NR3C1: variants seen among roughly 807,000 people sequenced by gnomAD.
NR3C1 encodes nuclear receptor subfamily 3 group C member 1.
NR3C1 carries 14 observed loss-of-function variants against 74.0 expected under a neutral mutation model. The observed-to-expected ratio is 0.19, with a 90% CI of 0.12 to 0.30. NR3C1 has a LOEUF of 0.30. Ranked by LOEUF, NR3C1 falls within the 10% of genes least tolerant of loss-of-function variation. The pLI is 1.00. For synonymous variants in NR3C1, 308 were observed against 332.5 expected, an observed-to-expected ratio of 0.93 and a Z score of 0.80; for missense variants, 695 against 909.8, an observed-to-expected ratio of 0.76 and a Z score of 3.04.
chr5:143,404,653 C>T (rs1356540027), upstream of NR3C1: 6 of 354,162 alleles, frequency 1.7e-5, no homozygotes, highest in Admixed American at 6.5e-5. Flanking sequence ...TGCAAAACCT[C>T]CAGCGAGCTG....
At chr5:143,357,490 TA>T (rs1392308547) in intron 2 of NR3C1, among the ~76,000 whole-genome samples, 1 of 152,158 alleles carries the variant, frequency 6.6e-6, no homozygotes, top group Admixed American at 6.5e-5. Flanking sequence ...TACAAACATT[TA>T]AAAAGAATTC....
intron 7 of NR3C1, among the ~76,000 whole-genome samples, chr5:143,293,089 T>C (rs1242552084): frequency 6.6e-6 from 1 of 152,174 alleles, no homozygotes; most frequent in Non-Finnish European, 1.5e-5. Context: ...TATATTTCCA[T>C]CCCTTGTTTT....
chr5:143,310,685 G>A (rs559688135), intron 3 of NR3C1, among the ~76,000 whole-genome samples: 9 of 152,006 alleles, frequency 5.9e-5, no homozygotes, highest in South Asian at 4.2e-4. Context: ...ATGGAGTCTC[G>A]CTCTGTCGCC....
At position 143,298,914 on chromosome 5, in the gene NR3C1, G is replaced by C. The variant is rs958569933; in HGVS notation, c.1748-102C>G. 8 of 1,183,842 alleles carry C rather than the reference G, an allele frequency of 6.8e-6. No homozygotes were observed. The African/African-American group carries it at 1.1e-4, about 16-fold the overall frequency. 73.3% of individuals were successfully genotyped at this position (1,183,842 alleles called of 1,614,324 possible). A position where few individuals can be genotyped will look rare whatever the true frequency, so the allele number is the denominator to read the frequency against. On this transcript the variant is annotated intron_variant, in intron 5 of 8. Transcript: ENST00000394464. ...AGATCAATTAGCCCTGTCAAAACAA[G>C]GGCACCCCTAACAGAAAATGGAAAT...
At chr5:143,298,997 C>T (rs1299959062) in intron 5 of NR3C1, among the ~76,000 whole-genome samples, 185 bp from the exon 6 acceptor site, 1 of 148,208 alleles carries the variant, frequency 6.7e-6, no homozygotes, top group Non-Finnish European at 1.5e-5. Context: ...ACTCACAAAC[C>T]CTCTTGTGTT....
chr5:143,434,944 TC>T (rs1752040640), exon 1 of NR3C1: 2 of 984,944 alleles, frequency 2.0e-6, no homozygotes, highest in Non-Finnish European at 2.4e-6. Context: ...GAAGATCCTG[TC>T]TCTCGGGTAT....
intron 2 of NR3C1, among the ~76,000 whole-genome samples, chr5:143,363,194 AC>A (rs1386084659): frequency 2.0e-5 from 3 of 152,122 alleles, no homozygotes; most frequent in Non-Finnish European, 4.4e-5. Context: ...CACTAAACTA[AC>A]AAACAGAGAC....
At chr5:143,307,952 A>G (rs1484831087) in intron 4 of NR3C1, among the ~76,000 whole-genome samples, 1 of 152,240 alleles carries the variant, frequency 6.6e-6, no homozygotes, top group Non-Finnish European at 1.5e-5. Context: ...CATTTACAAG[A>G]AAGTGGGCAG....
At chr5:143,406,122 T>C (rs921326177), upstream of NR3C1, among the ~76,000 whole-genome samples, 7 of 150,996 alleles carry the variant, frequency 4.6e-5, no homozygotes, top group South Asian at 4.2e-4. Context: ...TGTATACACA[T>C]ATATATTATA....
At chr5:143,311,320 A>G (rs572086110) in intron 3 of NR3C1, among the ~76,000 whole-genome samples, 13 of 152,210 alleles carry the variant, frequency 8.5e-5, no homozygotes, top group South Asian at 4.1e-4. Flanking sequence ...AAGAAAAAAA[A>G]TCACCCACTG....
chr5:143,414,765 T>A (rs1012179397), intron 1 of NR3C1, among the ~76,000 whole-genome samples: 2 of 152,222 alleles, frequency 1.3e-5, no homozygotes, highest in Non-Finnish European at 2.9e-5. Flanking sequence ...AAAAAAGGAA[T>A]TAAATAGTTC....
chr5:143,319,506 C>T (rs1822889861), intron 2 of NR3C1, among the ~76,000 whole-genome samples: 1 of 152,104 alleles, frequency 6.6e-6, no homozygotes, highest in Non-Finnish European at 1.5e-5. Flanking sequence ...TTACAACTAC[C>T]AATAGAATAT....
At chr5:143,403,073 C>CG in intron 1 of NR3C1, 138 bp downstream of exon 1, 1 of 898,746 alleles carries the variant, frequency 1.1e-6, no homozygotes, top group Non-Finnish European at 1.3e-6. Flanking sequence ...TCGCCCGGCC[C>CG]TTGCCAGCCC....
chr5:143,352,369 A>G (rs780062201), intron 2 of NR3C1, among the ~76,000 whole-genome samples: 2 of 152,206 alleles, frequency 1.3e-5, no homozygotes, highest in Non-Finnish European at 2.9e-5. Flanking sequence ...ATGAGTTTTC[A>G]TATTATGAAC....
upstream of NR3C1, among the ~76,000 whole-genome samples, chr5:143,407,799 A>G (rs1277613678): frequency 6.6e-6 from 1 of 152,216 alleles, no homozygotes; most frequent in East Asian, 1.9e-4. Flanking sequence ...CTGTACTGCC[A>G]GATTACCCCT....
At chr5:143,401,367 C>T (rs1280681056) in intron 1 of NR3C1, 1 of 174,856 alleles carries the variant, frequency 5.7e-6, no homozygotes, top group Non-Finnish European at 1.2e-5. Flanking sequence ...TCCCTCCTAC[C>T]AGCTAGTCAC....
chr5:143,282,158 G>A (rs1345434840), intron 8 of NR3C1, 117 bp from the exon 9 acceptor site: 5 of 1,014,234 alleles, frequency 4.9e-6, no homozygotes, highest in Non-Finnish European at 7.6e-6. Context: ...AATCTCACTG[G>A]AATTCCCCAG....
intron 2 of NR3C1, among the ~76,000 whole-genome samples, chr5:143,334,543 G>T (rs1826701794): frequency 6.6e-6 from 1 of 152,082 alleles, no homozygotes; most frequent in African/African-American, 2.4e-5. Context: ...GTATCCTAGG[G>T]TTTAATGTTG....
At chr5:143,310,042 G>T in intron 4 of NR3C1, 55 bp downstream of exon 4, 1 of 1,314,786 alleles carries the variant, frequency 7.6e-7, no homozygotes, top group South Asian at 1.2e-5. Context: ...AAAGTAAAAT[G>T]ATAAATTTTT....
Sources: gnomAD v4.1 joint callset for allele counts (sites outside exome capture counted in the v4.1 genomes callset) on GRCh38, gnomAD v4.1.1 for gene constraint, MANE v1.5 for transcripts, NCBI Gene and HGNC (gene_info 2026-07-23, HGNC 2026-07-21) for gene names.